AMPD3: variants seen among roughly 807,000 people sequenced by gnomAD.
AMPD3 encodes adenosine monophosphate deaminase 3, also known as AMP deaminase 3.
Under a neutral mutation model 82.3 loss-of-function variants are expected in AMPD3, and 57 were observed. The ratio of observed to expected loss-of-function variants is 0.69; its 90% CI spans 0.56 to 0.86. The LOEUF (loss-of-function observed/expected upper bound fraction) is 0.86, where lower values mean the gene tolerates loss of function less well. Among genes scored for constraint, AMPD3 ranks in the 40% least tolerant of loss-of-function variants. The pLI, the probability that AMPD3 is intolerant of heterozygous loss-of-function variation, is 0.00. For synonymous variants in AMPD3, 381 were observed against 394.7 expected, an observed-to-expected ratio of 0.97 and a Z score of 0.41; for missense variants, 870 against 1,003.8, an observed-to-expected ratio of 0.87 and a Z score of 1.80.
At chr11:10,487,417 C>T in intron 6 of AMPD3, 53 bp downstream of exon 6, 1 of 1,609,956 alleles carries the variant, frequency 6.2e-7, no homozygotes, top group Non-Finnish European at 8.5e-7. Context: ...CCTCCCAGCC[C>T]ATGGGATGCC....
intron 4 of AMPD3, chr11:10,484,325 G>A: frequency 1.0e-6 from 1 of 985,374 alleles, no homozygotes; most frequent in Non-Finnish European, 1.2e-6. Flanking sequence ...CCTTTGGGGA[G>A]GGAGTGGCTT....
chr11:10,491,805 C>T (rs1386271677), intron 6 of AMPD3, among the ~76,000 whole-genome samples: 1 of 152,126 alleles, frequency 6.6e-6, no homozygotes, highest in African/African-American at 2.4e-5. Flanking sequence ...GATGGAGAGT[C>T]CACTTTTGGA....
intron 11 of AMPD3, chr11:10,500,884 C>T (rs1849560920): frequency 2.0e-6 from 2 of 985,324 alleles, no homozygotes; most frequent in Non-Finnish European, 2.4e-6. Context: ...TCTTGCATCC[C>T]ACTTTCCCCT....
rs1849613867 is a variant in AMPD3 at position 10,502,738 on chromosome 11, T to C, written c.1860T>C (p.Tyr620=). The change falls in exon 13 of 15, where the codon TAT becomes TAC. Residue 620 remains tyrosine (Y), a synonymous_variant. Coordinates refer to ENST00000396553, the MANE Select transcript of AMPD3 (RefSeq NM_001025389.2). ...TTTTGCAGAGTCCGGTATTGCAGTA[T>C]CTCTACTACCTTGCTCAGATCCCCA... ...LLLKKSPVLQ[Y]LYYLAQIPIA... 6.2e-7 allele frequency: 1 copy of C among 1,614,098 alleles called. No individual in the cohort carries two copies. Among genetic ancestry groups the C allele is most frequent in the African/African-American group, 1.3e-5 (1 of 74,948 alleles).
chr11:10,501,505 A>G lies in AMPD3; in HGVS notation c.1757A>G (p.His586Arg), dbSNP rs1331960358. 3 of 1,614,068 alleles carry G rather than the reference A, an allele frequency of 1.9e-6. No homozygotes were observed. Among genetic ancestry groups the G allele is most frequent in the Non-Finnish European group, 2.5e-6 (3 of 1,179,980 alleles). ...CTGAGCACGTTCCTGTTCCGGCCGC[A>G]CTGTGGGGAAGCCGGCTCCATCACC... ...RGLSTFLFRP[H>R]CGEAGSITHL... Residue 586 changes from histidine to arginine, a missense_variant, in exon 12 of 15, where the codon CAC (histidine) becomes CGC (arginine). Physicochemically the swap from His to Arg is conservative, Grantham distance 29 (BLOSUM62 0). Coordinates refer to ENST00000396553, the MANE Select transcript of AMPD3 (RefSeq NM_001025389.2).
At chr11:10,493,705 C>T (rs1187443492) in intron 7 of AMPD3, 162 bp downstream of exon 7, 3 of 832,938 alleles carry the variant, frequency 3.6e-6, no homozygotes, top group Non-Finnish European at 5.9e-6. Context: ...AATAACAGGT[C>T]TGGGGCAGCC....
chr11:10,456,930 C>T lies in AMPD3; in HGVS notation c.-6+1482C>T, dbSNP rs543144287. Among the ~76,000 whole-genome samples, 1 of 151,194 alleles carries T rather than the reference C, an allele frequency of 6.6e-6. No individual in the cohort carries two copies. The highest frequency in any genetic ancestry group is 2.4e-5 in the African/African-American group (1 of 41,142). On this transcript the variant is annotated intron_variant, in intron 1 of 14. Transcript: ENST00000396553. This position sits in a 1 kb window ranked among gnomAD's most constrained non-coding sequence, Gnocchi z 4.3. ...CCCCAAGTGGGTTACTTGGTCCATA[C>T]TAAGATATGGAATTAATTATTTTGT...
rs1418552174 is a variant in AMPD3, at chr11:10,505,675, T to C, written c.2128-33T>C. On this transcript the variant is annotated intron_variant, in intron 14 of 14. Transcript: ENST00000396553. ...GGCTATAGAAAGTGAATCAAAAGTA[T>C]ATAGTTTCATTTGTATTTCTCTTGG... The C allele has an allele frequency of 4.3e-6, 7 of 1,609,824 alleles. No homozygotes were observed. The Admixed American group carries it at 5.0e-5, about 12-fold the overall frequency.
chr11:10,484,369 G>T (rs748367023), intron 4 of AMPD3: 5 of 985,278 alleles, frequency 5.1e-6, no homozygotes, highest in Non-Finnish European at 6.0e-6. Context: ...CTGGGCTCGG[G>T]ACAGTTATTC....
chr11:10,470,749 T>G (rs1848564849), intron 2 of AMPD3, among the ~76,000 whole-genome samples: 1 of 152,136 alleles, frequency 6.6e-6, no homozygotes, highest in Non-Finnish European at 1.5e-5. Context: ...GAATCCAACT[T>G]ACAAGGGATG....
chr11:10,450,858 C>T (rs972234431), upstream of AMPD3: 48 of 1,206,918 alleles, frequency 4.0e-5, no homozygotes, highest in Non-Finnish European at 4.8e-5. Context: ...GGCCGGGGAT[C>T]CGCAGCGCTG....
chr11:10,469,158 G>T (rs1448775499), intron 2 of AMPD3, among the ~76,000 whole-genome samples: 2 of 150,720 alleles, frequency 1.3e-5, no homozygotes, highest in Non-Finnish European at 2.9e-5. Context: ...AGAACCGAAG[G>T]AGATAGAGAC....
chr11:10,488,543 G>C, intron 6 of AMPD3: 1 of 528,942 alleles, frequency 1.9e-6, no homozygotes, highest in African/African-American at 2.1e-5. Context: ...CAGGCATTGG[G>C]AGCGGGGAGC....
chr11:10,489,591 A>C (rs1471216683), intron 6 of AMPD3, among the ~76,000 whole-genome samples: 1 of 152,100 alleles, frequency 6.6e-6, no homozygotes, highest in African/African-American at 2.4e-5. Flanking sequence ...GTTCTTAGGC[A>C]CCACAGTCAG....
chr11:10,496,646 G>C (rs1849409615), intron 9 of AMPD3, 166 bp from the exon 10 acceptor site: 3 of 1,450,174 alleles, frequency 2.1e-6, no homozygotes, highest in Non-Finnish European at 2.8e-6. Flanking sequence ...TGCAGACATT[G>C]CTGGGAGAGG....
rs1192729603 is a variant in AMPD3 at position 10,487,364 on chromosome 11, G to T, written c.939G>T (p.Lys313Asn). ...NPHRDFYNVR[K>N]VDTHIHAAAC... ...ACCGGGACTTCTATAACGTGAGAAA[G>T]GTGCGTTAGGGGCGAGTGTTCACAG... Residue 313 changes from lysine (K) to asparagine (N), a missense_variant and splice_region_variant, in exon 6 of 15, where the codon AAG becomes AAT. Lys to Asn is a moderately conservative substitution (Grantham distance 94). Transcript: ENST00000396553. The T allele has an allele frequency of 3.7e-6, 6 of 1,614,020 alleles. No homozygotes were observed. The highest frequency in any genetic ancestry group is 4.2e-6 in the Non-Finnish European group (5 of 1,179,928).
intron 11 of AMPD3, chr11:10,501,118 A>T (rs957537724): frequency 3.0e-6 from 3 of 985,190 alleles, no homozygotes; most frequent in Non-Finnish European, 3.6e-6. Flanking sequence ...CATTTCCATA[A>T]CACAGAGGTC....
chr11:10,455,975 G>T (rs1322792161), intron 1 of AMPD3: 7 of 985,306 alleles, frequency 7.1e-6, no homozygotes, highest in Non-Finnish European at 7.2e-6. Flanking sequence ...GAGGCTGGGC[G>T]TTAGAGGGAG....
At chr11:10,505,046 C>A in intron 14 of AMPD3, 1 of 876,492 alleles carries the variant, frequency 1.1e-6, no homozygotes, top group Non-Finnish European at 1.4e-6. Flanking sequence ...TATCCCCGGG[C>A]CCTAGATAGT....
Sources: allele counts gnomAD v4.1 joint callset (sites outside exome capture counted in the v4.1 genomes callset), GRCh38; gene constraint gnomAD v4.1.1; non-coding constraint Gnocchi (gnomAD v3.1); transcripts MANE v1.5; gene names NCBI Gene and HGNC (gene_info 2026-07-23, HGNC 2026-07-21).